Variants in TENM2 observed in about 807,000 individuals in gnomAD.
TENM2 encodes teneurin transmembrane protein 2, also known as teneurin-2.
TENM2 carries 52 observed loss-of-function variants against 245.2 expected under a neutral mutation model. The ratio of observed to expected loss-of-function variants is 0.21; its 90% CI spans 0.17 to 0.27. TENM2 has a LOEUF of 0.27. TENM2 is among the 10% of genes least tolerant of loss of function. TENM2 has a pLI of 1.00. For synonymous variants in TENM2, 1,363 were observed against 1,438.9 expected (o/e 0.95, Z 1.19); for missense variants, 3,046 against 3,666.8 (o/e 0.83, Z 4.37).
intron 2 of TENM2, among the ~76,000 whole-genome samples, chr5:167,666,726 T>C (rs1024925623): frequency 6.6e-6 from 1 of 152,216 alleles, no homozygotes; most frequent in African/African-American, 2.4e-5. Context: ...TTCATTCTTC[T>C]GTATCTGGAA....
chr5:167,433,832 C>G (rs533761561), intron 2 of TENM2, among the ~76,000 whole-genome samples: 1 of 151,966 alleles, frequency 6.6e-6, no homozygotes, highest in African/African-American at 2.4e-5. Flanking sequence ...ATGAGGAAAG[C>G]CTCCTAATCT....
At chr5:167,412,989 C>T (rs1762986425) in intron 2 of TENM2, among the ~76,000 whole-genome samples, 2 of 151,964 alleles carry the variant, frequency 1.3e-5, no homozygotes. Flanking sequence ...TAATCCCTTT[C>T]AATGGAAAGA....
At chr5:167,839,520 C>T (rs1769294029) in intron 2 of TENM2, among the ~76,000 whole-genome samples, 1 of 151,806 alleles carries the variant, frequency 6.6e-6, no homozygotes, top group African/African-American at 2.4e-5. Flanking sequence ...TTTTAACTGG[C>T]TGTCATTTCA....
intron 3 of TENM2, among the ~76,000 whole-genome samples, chr5:167,907,387 G>T (rs1776174556): frequency 4.6e-5 from 7 of 151,010 alleles, no homozygotes; most frequent in Middle Eastern, 3.5e-3. Flanking sequence ...ATCGAAAGGT[G>T]AACATTGTCA....
rs184931619 is a variant in TENM2, at chr5:167,723,947, G to T, written c.503-152039G>T. On this transcript the variant is annotated intron_variant, in intron 2 of 28. Transcript: ENST00000518659. Reference sequence around the variant, plus strand: ...GTGTCCCAGAAGGCTGTGAACTTTAGTGTTCAGACACACTGAGGTATAAAT... The same window carrying T: ...GTGTCCCAGAAGGCTGTGAACTTTATTGTTCAGACACACTGAGGTATAAAT... 5.9e-5 allele frequency among the ~76,000 whole-genome samples: 9 copies of T among 152,314 alleles called. No individual in the cohort carries two copies. In the East Asian group the frequency reaches 1.5e-3, roughly 26 times the overall value.
At chr5:167,642,783 C>T (rs1193265425) in intron 2 of TENM2, among the ~76,000 whole-genome samples, 1 of 152,196 alleles carries the variant, frequency 6.6e-6, no homozygotes, top group Non-Finnish European at 1.5e-5. Context: ...AAGGACTAAT[C>T]TTGATATCAT....
chr5:168,060,162 A>C (rs1789909263), intron 6 of TENM2, among the ~76,000 whole-genome samples: 1 of 151,914 alleles, frequency 6.6e-6, no homozygotes, highest in Non-Finnish European at 1.5e-5. Flanking sequence ...CCAAAGCTGG[A>C]GAATCACTTG....
At chr5:167,280,756 G>GTCTGTCTGTCTATCTA (rs1424705114), upstream of TENM2, among the ~76,000 whole-genome samples, 11 of 145,880 alleles carry the variant, frequency 7.5e-5, no homozygotes, top group Admixed American at 2.0e-4. Context: ...CTATCTGTCT[G>GTCTGTCTGTCTATCTA]TCTATCTATC....
intron 3 of TENM2, among the ~76,000 whole-genome samples, chr5:167,909,978 T>C (rs1256369463): frequency 6.6e-6 from 1 of 152,118 alleles, no homozygotes; most frequent in East Asian, 1.9e-4. Context: ...AATATTTTTT[T>C]TGAAGGGCAG....
chr5:167,203,371 G>A, the TENM2 span, among the ~76,000 whole-genome samples: 5 of 152,154 alleles, frequency 3.3e-5, no homozygotes, highest in East Asian at 7.7e-4. Flanking sequence ...CTTTCTCTCC[G>A]ACCACATACT....
intron 1 of TENM2, among the ~76,000 whole-genome samples, chr5:167,297,991 C>T (rs1386555973): frequency 1.3e-5 from 2 of 152,020 alleles, no homozygotes; most frequent in Non-Finnish European, 2.9e-5. Context: ...TGGATGTGTA[C>T]GTGCAGGTCA....
the TENM2 span, among the ~76,000 whole-genome samples, chr5:167,024,519 A>G: frequency 6.6e-6 from 1 of 152,132 alleles, no homozygotes; most frequent in African/African-American, 2.4e-5. Flanking sequence ...AGAGACACCA[A>G]GGGTCAGGGC....
chr5:167,681,044 T>A (rs1007745208), intron 2 of TENM2, among the ~76,000 whole-genome samples: 77 of 152,326 alleles, frequency 5.1e-4, no homozygotes, highest in African/African-American at 1.8e-3. Context: ...CAAATTTAAT[T>A]TTCTGTTTTC....
chr5:167,988,705 G>A (rs929109959), intron 4 of TENM2, among the ~76,000 whole-genome samples: 6 of 152,230 alleles, frequency 3.9e-5, no homozygotes, highest in Non-Finnish European at 8.8e-5. Flanking sequence ...CCAGAGGGCA[G>A]ATCATGCAGA....
the TENM2 span, among the ~76,000 whole-genome samples, chr5:167,098,834 C>G: frequency 6.6e-6 from 1 of 152,170 alleles, no homozygotes; most frequent in Non-Finnish European, 1.5e-5. Context: ...GTATCAGCCT[C>G]GTGCATCAAC....
the TENM2 span, among the ~76,000 whole-genome samples, chr5:167,113,790 G>T: frequency 6.6e-6 from 1 of 152,078 alleles, no homozygotes; most frequent in Non-Finnish European, 1.5e-5. Flanking sequence ...ATATAAGGGG[G>T]TATTTTCCCT....
intron 2 of TENM2, among the ~76,000 whole-genome samples, chr5:167,656,523 A>G (rs961896523): frequency 6.6e-6 from 1 of 152,160 alleles, no homozygotes; most frequent in African/African-American, 2.4e-5. Context: ...AGTAAGGGCT[A>G]CTAGGCCAGG....
intron 2 of TENM2, among the ~76,000 whole-genome samples, chr5:167,709,087 A>G (rs1758731461): frequency 6.6e-6 from 1 of 152,078 alleles, no homozygotes; most frequent in African/African-American, 2.4e-5. Flanking sequence ...ATAGTCACAG[A>G]AACTATGCCA....
intron 2 of TENM2, among the ~76,000 whole-genome samples, chr5:167,459,901 TATAAAG>T (rs1766174888): frequency 1.4e-5 from 2 of 140,062 alleles, no homozygotes; most frequent in South Asian, 4.8e-4. Flanking sequence ...TTTCCTTGTA[TATAAAG>T]ATAAACACAC....
Sources: gnomAD v4.1 joint callset for allele counts (sites outside exome capture counted in the v4.1 genomes callset) on GRCh38, gnomAD v4.1.1 for gene constraint, MANE v1.5 for transcripts, NCBI Gene and HGNC (gene_info 2026-07-23, HGNC 2026-07-21) for gene names.